Variants in PRSS55 observed in about 807,000 individuals in gnomAD.
The protein encoded by PRSS55 is probable serine protease UNQ9391/PRO34284.
In PRSS55, 41 loss-of-function variants were observed where a neutral mutation model predicts 23.6. The observed-to-expected ratio is 1.74, with a 90% CI of 1.35 to 2.26. PRSS55 has a LOEUF of 2.26. Among genes scored for constraint, PRSS55 ranks in the 30% most tolerant of loss-of-function variants. PRSS55 has a pLI of 0.00. For missense variants in PRSS55, 669 were observed against 439.1 expected, an observed-to-expected ratio of 1.52 and a Z score of -4.68; for synonymous variants, 262 against 175.5, an observed-to-expected ratio of 1.49 and a Z score of -3.90.
At chr8:10,545,062 G>A (rs1305429200) in intron 4 of PRSS55, 1 of 969,884 alleles carries the variant, frequency 1.0e-6, no homozygotes, top group Non-Finnish European at 1.2e-6. Context: ...CATCTGTGAG[G>A]AAAAAGACCA....
chr8:10,532,958 G>T lies in PRSS55; in HGVS notation c.651G>T (p.Met217Ile). The change falls in exon 4 of 5, where the codon ATG becomes ATT. Residue 217 changes from methionine to isoleucine, a missense_variant. Coordinates refer to ENST00000328655, the MANE Select transcript of PRSS55 (RefSeq NM_198464.4). ...TGATGAAAGCGCCAATGGTCATCAT[G>T]GACTGGGAGGAGTGTTCAAAGATGT... Reference protein sequence around the residue: ...TDLMKAPMVIMDWEECSKMFP... With the variant: ...TDLMKAPMVIIDWEECSKMFP... 6.2e-7 allele frequency: 1 copy of T among 1,614,176 alleles called. No individual in the cohort carries two copies. The highest frequency in any genetic ancestry group is 1.1e-5 in the South Asian group (1 of 91,080).
chr8:10,526,420 C>T (rs927232728), intron 1 of PRSS55, among the ~76,000 whole-genome samples: 5 of 152,236 alleles, frequency 3.3e-5, no homozygotes, highest in African/African-American at 1.2e-4. Context: ...CCTGTGCACA[C>T]CACTTCTTGC....
chr8:10,534,919 G>C (rs533997192), intron 4 of PRSS55, among the ~76,000 whole-genome samples: 3 of 152,050 alleles, frequency 2.0e-5, no homozygotes, highest in Non-Finnish European at 4.4e-5. Flanking sequence ...ATATACACCA[G>C]ACAACACACA....
At chr8:10,532,813 G>A (rs1408560613) in intron 3 of PRSS55, 93 bp from the exon 4 acceptor site, 5 of 1,515,602 alleles carry the variant, frequency 3.3e-6, no homozygotes, top group African/African-American at 1.4e-5. Flanking sequence ...ATGGGGGCTG[G>A]GGGACACAGG....
At chr8:10,526,084 C>A (rs972224244) in intron 1 of PRSS55, among the ~76,000 whole-genome samples, 21 of 152,160 alleles carry the variant, frequency 1.4e-4, no homozygotes, top group African/African-American at 4.6e-4. Context: ...GCCACAGACA[C>A]CCAGGGATGC....
At chr8:10,550,177 C>T (rs1812921235) in intron 4 of PRSS55, among the ~76,000 whole-genome samples, 1 of 152,222 alleles carries the variant, frequency 6.6e-6, no homozygotes, top group African/African-American at 2.4e-5. Flanking sequence ...CCCACCTCGG[C>T]TTCCCAAAGT....
chr8:10,540,104 T>G (rs1812604542), downstream of PRSS55, among the ~76,000 whole-genome samples: 1 of 152,200 alleles, frequency 6.6e-6, no homozygotes, highest in South Asian at 2.1e-4. Flanking sequence ...TCCGAGTTGC[T>G]TGCTGTGTTC....
downstream of PRSS55, among the ~76,000 whole-genome samples, chr8:10,543,434 TCCTTCCTTCCATCCTTCCTTCC>T (rs1563547253): frequency 3.2e-3 from 47 of 14,916 alleles, no homozygotes; most frequent in Middle Eastern, 0.067. Context: ...CTTCCTTCCT[TCCTTCCTTCCATCCTTCCTTCC>T]TTCCTTCCTT....
downstream of PRSS55, among the ~76,000 whole-genome samples, chr8:10,543,455 C>CTTTT (rs1491423238): frequency 0.55 from 56,434 of 101,902 alleles, 17,128 homozygotes; most frequent in South Asian, 0.74. Flanking sequence ...ATCCTTCCTT[C>CTTTT]CTTCCTTCCT....
chr8:10,527,104 A>G (rs1812052779), intron 1 of PRSS55, among the ~76,000 whole-genome samples: 1 of 152,232 alleles, frequency 6.6e-6, no homozygotes, highest in Non-Finnish European at 1.5e-5. Flanking sequence ...TCAACGTAAT[A>G]AAATCACAAG....
chr8:10,527,926 G>A (rs149639260), intron 1 of PRSS55, among the ~76,000 whole-genome samples: 94 of 152,218 alleles, frequency 6.2e-4, no homozygotes, highest in African/African-American at 2.2e-3. Context: ...CACAAGTACC[G>A]AATAGGCCGG....
At chr8:10,544,938 T>C (rs1477659760) in intron 4 of PRSS55, 7 of 781,434 alleles carry the variant, frequency 9.0e-6, no homozygotes, top group African/African-American at 1.9e-5. Flanking sequence ...AGATAAAGTA[T>C]GTATTTATAG....
At chr8:10,533,362 CTA>C (rs1812341351) in intron 4 of PRSS55, among the ~76,000 whole-genome samples, 1 of 152,160 alleles carries the variant, frequency 6.6e-6, no homozygotes, top group Non-Finnish European at 1.5e-5. Context: ...GATTTGGTAT[CTA>C]TATAAGAAGT....
At chr8:10,531,144 T>C (rs1812242871) in intron 2 of PRSS55, 151 bp from the exon 3 acceptor site, 7 of 967,634 alleles carry the variant, frequency 7.2e-6, no homozygotes, top group Non-Finnish European at 6.2e-6. Flanking sequence ...CCTACCTTTT[T>C]CCAATCCTCA....
In PRSS55 at chr8:10,538,707, T is replaced by A; in HGVS notation, c.973T>A (p.Ser325Thr). The change falls in exon 5 of 5, where the codon TCG becomes ACG. Residue 325 changes from serine to threonine, a missense_variant. Transcript: ENST00000328655. ...ACAGAAACCTATGGGCTCCCCAGTC[T>A]CGGGAGTCCCAGAGCCAGGCAGCCC... ...VKQKPMGSPV[S>T]GVPEPGSPRS... 1 of 1,613,998 alleles carries A rather than the reference T, an allele frequency of 6.2e-7. No individual in the cohort carries two copies. Among genetic ancestry groups the A allele is most frequent in the Non-Finnish European group, 8.5e-7 (1 of 1,179,970 alleles).
intron 2 of PRSS55, 58 bp downstream of exon 2, chr8:10,529,757 T>C: frequency 6.5e-7 from 1 of 1,526,802 alleles, no homozygotes; most frequent in Non-Finnish European, 9.0e-7. Context: ...TGGGGCACCC[T>C]CCCCCTCACC....
intron 4 of PRSS55, among the ~76,000 whole-genome samples, chr8:10,551,324 TCA>T (rs1812946501): frequency 1.3e-5 from 2 of 152,154 alleles, no homozygotes; most frequent in Non-Finnish European, 2.9e-5. Flanking sequence ...CCTCACTCAC[TCA>T]TTCATTCATT....
At chr8:10,534,871 C>T (rs1812401754) in intron 4 of PRSS55, among the ~76,000 whole-genome samples, 2 of 152,124 alleles carry the variant, frequency 1.3e-5, no homozygotes, top group Non-Finnish European at 1.5e-5. Context: ...AGCAAAGTTT[C>T]GGGATACAAA....
At chr8:10,531,155 C>T (rs944776071) in intron 2 of PRSS55, 140 bp from the exon 3 acceptor site, 4 of 1,032,784 alleles carry the variant, frequency 3.9e-6, no homozygotes, top group Non-Finnish European at 4.3e-6. Flanking sequence ...CCAATCCTCA[C>T]ACCTTCTGAT....
Sources: allele counts gnomAD v4.1 joint callset (sites outside exome capture counted in the v4.1 genomes callset), GRCh38; gene constraint gnomAD v4.1.1; transcripts MANE v1.5; gene names NCBI Gene and HGNC (gene_info 2026-07-23, HGNC 2026-07-21).